The following SNED1 variants were observed in gnomAD, a reference collection of about 807,000 sequenced individuals.
The protein encoded by SNED1 is sushi, nidogen and EGF-like domain-containing protein 1.
Under a neutral mutation model 166.7 loss-of-function variants are expected in SNED1, and 81 were observed. The ratio of observed to expected loss-of-function variants is 0.49; its 90% confidence interval spans 0.41 to 0.58. The LOEUF is 0.58. Ranked by LOEUF, SNED1 falls within the 20% of genes least tolerant of loss-of-function variation. The pLI is 0.00. For synonymous variants in SNED1, 762 were observed against 822.0 expected (o/e 0.93, Z 1.25); for missense variants, 1,604 against 2,000.2 (o/e 0.80, Z 3.78).
At chr2:241,085,209 C>T (rs891337952) in intron 29 of SNED1, among the ~76,000 whole-genome samples, 7 of 152,098 alleles carry the variant, frequency 4.6e-5, no homozygotes, top group Non-Finnish European at 7.4e-5. Context: ...TCCTGTCCCT[C>T]CATTTCTTCT....
Position 241,036,654 on chromosome 2 carries a change from GC to G in SNED1, c.806-135del, listed in dbSNP as rs1038324951. Reference sequence around the variant, plus strand: ...CTAAAGTGAAACCTGAAACCTGGCTGCTTTGCTGCGGTCACCCGGGCACCCA... The same window carrying G: ...CTAAAGTGAAACCTGAAACCTGGCTGTTTGCTGCGGTCACCCGGGCACCCA... On this transcript the variant is annotated intron_variant, in intron 4 of 31. Transcript: ENST00000310397. 3 of 1,141,350 alleles carry G rather than the reference GC, an allele frequency of 2.6e-6. No individual in the cohort carries two copies. In the African/African-American group the frequency reaches 4.6e-5, roughly 17 times the overall value. The allele number at this position is 1,141,350 out of a possible 1,614,324, so 70.7% of individuals were successfully genotyped here. A position where few individuals can be genotyped will look rare whatever the true frequency, so the allele number is the denominator to read the frequency against.
Position 241,071,700 on chromosome 2 carries a change from G to C in SNED1, c.3714G>C (p.Glu1238Asp). 3 of 1,502,358 alleles carry C rather than the reference G, an allele frequency of 2.0e-6. No individual in the cohort carries two copies. Among genetic ancestry groups the C allele is most frequent in the East Asian group, 2.5e-5 (1 of 40,504 alleles). The allele number at this position is 1,502,358 out of a possible 1,614,324, so 93.1% of individuals were successfully genotyped here. Residue 1238 changes from glutamate to aspartate, a missense_variant, in exon 25 of 32, where the codon GAG becomes GAC. This residue lies in a region of SNED1 where 367 missense variants were observed against 379.4 expected (regional missense o/e 0.97). Coordinates refer to ENST00000310397, the MANE Select transcript of SNED1 (RefSeq NM_001080437.3). ...LRLLNDHSAP[E>D]TPTQPPRFSE... ...TGCTCAATGACCACAGCGCCCCCGA[G>C]ACCCCCACCCAGCCCCCCAGGTACA...
chr2:241,037,065 G>A, intron 5 of SNED1, 150 bp downstream of exon 5: 1 of 1,132,152 alleles, frequency 8.8e-7, no homozygotes, highest in South Asian at 1.5e-5. Context: ...GGGGACCACT[G>A]GGGACCAAAG....
rs2125010080 is a variant in SNED1 at position 241,034,820 on chromosome 2, G to A, written c.805+90G>A. 5 of 1,377,944 alleles carry A rather than the reference G, an allele frequency of 3.6e-6. No individual in the cohort carries two copies. The South Asian group carries it at 7.3e-5, about 20-fold the overall frequency. The allele number at this position is 1,377,944 out of a possible 1,614,324, so 85.4% of individuals were successfully genotyped here. ...GAGGTGGAGACGAAGGGGGCTGGAT[G>A]CTGACGGGGAGAGCAGGAGCACTTG... is the stretch of plus-strand genomic sequence containing the variant. On this transcript the variant is annotated intron_variant, in intron 4 of 31. Coordinates refer to ENST00000310397, the MANE Select transcript of SNED1 (RefSeq NM_001080437.3).
rs779021075 is a variant in SNED1 at position 241,070,128 on chromosome 2, C to G, written c.3516C>G (p.Leu1172=). Reference sequence around the variant, plus strand: ...TGCTGCCGGGACGGCGGTACCAGCTCTCTGTGATAGCAGTGCAGAGCACGG... The same window carrying G: ...TGCTGCCGGGACGGCGGTACCAGCTGTCTGTGATAGCAGTGCAGAGCACGG... ...RDLLPGRRYQ[L]SVIAVQSTEL... The change falls in exon 24 of 32, where the codon CTC becomes CTG. Residue 1172 remains leucine, a synonymous_variant. Transcript: ENST00000310397. 6.2e-7 allele frequency: 1 copy of G among 1,612,474 alleles called. No homozygotes were observed. Among genetic ancestry groups the G allele is most frequent in the Non-Finnish European group, 8.5e-7 (1 of 1,179,786 alleles).
chr2:241,085,947 A>C (rs1575134323), intron 29 of SNED1, among the ~76,000 whole-genome samples: 2 of 146,496 alleles, frequency 1.4e-5, no homozygotes, highest in South Asian at 4.3e-4. Context: ...GCTCACTACA[A>C]CCTCCGCCCT....
At chr2:241,029,147 A>T (rs896287596) in intron 1 of SNED1, among the ~76,000 whole-genome samples, 1 of 152,218 alleles carries the variant, frequency 6.6e-6, no homozygotes, top group Non-Finnish European at 1.5e-5. Flanking sequence ...GACAGCGCAG[A>T]GCTGACCACT....
In SNED1 at chr2:241,034,586, G is replaced by A. The variant is rs752807695; in HGVS notation, c.661G>A (p.Asp221Asn). 21 of 1,605,068 alleles carry A rather than the reference G, an allele frequency of 1.3e-5. No homozygotes were observed. Among genetic ancestry groups the A allele is most frequent in the Non-Finnish European group, 1.6e-5 (19 of 1,174,860 alleles). Reference sequence around the variant, plus strand: ...CCCCCAGGCTGGCTTCAACGCAGGCGATGGGCAGCGTTACTTCAGTATCCC... The same window carrying A: ...CCCCCAGGCTGGCTTCAACGCAGGCAATGGGCAGCGTTACTTCAGTATCCC... Reference protein sequence around the residue: ...IAAQAGFNAGDGQRYFSIPGS... With the variant: ...IAAQAGFNAGNGQRYFSIPGS... Residue 221 changes from aspartate to asparagine, a missense_variant, in exon 4 of 32, where the codon GAT becomes AAT. Physicochemically the swap from Asp to Asn is conservative, Grantham distance 23. Transcript: ENST00000310397.
At position 241,071,627 on chromosome 2, in the gene SNED1, G is replaced by A. The variant is rs182099291; in HGVS notation, c.3641G>A (p.Arg1214Gln). 7.7e-4 allele frequency: 1,216 copies of A among 1,586,268 alleles called. 2 individuals carry two copies. Among genetic ancestry groups the A allele is most frequent in the Non-Finnish European group, 9.6e-4 (1,124 of 1,173,662 alleles). The change falls in exon 25 of 32, where the codon CGG (arginine) becomes CAG (glutamine). Residue 1214 changes from arginine to glutamine, a missense_variant. Physicochemically the swap from Arg to Gln is conservative, Grantham distance 43. Coordinates refer to ENST00000310397, the MANE Select transcript of SNED1 (RefSeq NM_001080437.3). ...TGGCACCAGGGAGGACACCACCCTCGGGTGCTCAAGAACAGACCGCCCCCG... is the reference window on the plus strand; with the variant it reads ...TGGCACCAGGGAGGACACCACCCTCAGGTGCTCAAGAACAGACCGCCCCCG... ...RRWHQGGHHP[R>Q]VLKNRPPPAR...
intron 1 of SNED1, among the ~76,000 whole-genome samples, chr2:241,029,907 G>A (rs970387613): frequency 6.6e-6 from 1 of 152,252 alleles, no homozygotes; most frequent in African/African-American, 2.4e-5. Context: ...CGCCTCCTGC[G>A]GCCCCAGCCG....
At position 241,084,559 on chromosome 2, in the gene SNED1, C is replaced by T. The variant is rs1575127848; in HGVS notation, c.4121+2195C>T. 2.0e-5 allele frequency among the ~76,000 whole-genome samples: 3 copies of T among 152,192 alleles called. No individual in the cohort carries two copies. The South Asian group carries it at 6.2e-4, about 32-fold the overall frequency. The stretch of plus-strand genomic sequence containing the variant: ...ATGGCAGCGGCTGACATCAAGCTTC[C>T]ACTTCCCTCCCATCCTTTGAATTAT... On this transcript the variant is annotated intron_variant, in intron 29 of 31. Transcript: ENST00000310397.
In SNED1 at chr2:241,073,908, T is replaced by C. The variant is rs552631852; in HGVS notation, c.3916+544T>C. Reference sequence around the variant, plus strand: ...TCCCTGCAGGGCACCAAGCATCTGCTGAGCACCTGCAGTAAGAGTTCCCAG... The same window carrying C: ...TCCCTGCAGGGCACCAAGCATCTGCCGAGCACCTGCAGTAAGAGTTCCCAG... On this transcript the variant is annotated intron_variant, in intron 27 of 31. Coordinates refer to ENST00000310397, the MANE Select transcript of SNED1 (RefSeq NM_001080437.3). This position sits in a 1 kb window ranked among gnomAD's most constrained non-coding sequence, Gnocchi z 6.6. 223 of 163,416 alleles carry C rather than the reference T, an allele frequency of 1.4e-3. No homozygotes were observed. The highest frequency in any genetic ancestry group is 3.0e-3 in the Admixed American group (48 of 16,198). 10.1% of individuals were successfully genotyped at this position (163,416 alleles called of 1,614,324 possible). A position where few individuals can be genotyped will look rare whatever the true frequency, so the allele number is the denominator to read the frequency against.
At chr2:241,025,171 T>C (rs914611702) in intron 1 of SNED1, among the ~76,000 whole-genome samples, 1 of 152,186 alleles carries the variant, frequency 6.6e-6, no homozygotes, top group Non-Finnish European at 1.5e-5. Context: ...TGGCGGCATT[T>C]GATTCTAATA....
chr2:240,999,634 G>T lies in SNED1; in HGVS notation c.213+584G>T, dbSNP rs1190356661. 1.3e-5 allele frequency among the ~76,000 whole-genome samples: 2 copies of T among 152,166 alleles called. No homozygotes were observed. The highest frequency in any genetic ancestry group is 4.1e-4 in the South Asian group (2 of 4,830). ...TCCCTGCCGTCCTCTCCGCAGTCTG[G>T]GGGCTGGCCGCTCAGGCTCAGACTC... On this transcript the variant is annotated intron_variant, in intron 1 of 31. Transcript: ENST00000310397. The surrounding 1 kb of genome is among the most constrained non-coding windows in gnomAD (Gnocchi z 5.8).
At chr2:241,011,517 T>C (rs901905110) in intron 1 of SNED1, among the ~76,000 whole-genome samples, 16 of 152,178 alleles carry the variant, frequency 1.1e-4, no homozygotes, top group African/African-American at 3.9e-4. Flanking sequence ...CCTCTACGAG[T>C]GCTCAGGTCC....
At chr2:241,014,132 C>A (rs1288113186) in intron 1 of SNED1, among the ~76,000 whole-genome samples, 2 of 152,058 alleles carry the variant, frequency 1.3e-5, no homozygotes, top group Non-Finnish European at 2.9e-5. Flanking sequence ...CCTCAGCCTC[C>A]CAAGTAGCTA....
intron 1 of SNED1, among the ~76,000 whole-genome samples, chr2:241,004,590 ATAT>A (rs1456266269): frequency 2.0e-5 from 3 of 151,614 alleles, no homozygotes; most frequent in Non-Finnish European, 4.4e-5. Context: ...CCTTCAAATA[ATAT>A]TATACTCTTT....
chr2:241,053,080 G>C, intron 15 of SNED1, 73 bp from the exon 16 acceptor site: 1 of 1,446,116 alleles, frequency 6.9e-7, no homozygotes, highest in South Asian at 1.3e-5. Context: ...CAGTCGGGTC[G>C]GGCAGAGGCA....
intron 21 of SNED1, among the ~76,000 whole-genome samples, chr2:241,067,329 G>T (rs1364516632): frequency 2.0e-5 from 3 of 152,220 alleles, no homozygotes; most frequent in African/African-American, 7.2e-5. Flanking sequence ...GTTGCTGGGA[G>T]TTCTGTATGT....
Sources: gnomAD v4.1 joint callset for allele counts (sites outside exome capture counted in the v4.1 genomes callset) on GRCh38, gnomAD v4.1.1 for gene constraint, gnomAD v4.1.1 regional missense constraint, Gnocchi (gnomAD v3.1) non-coding constraint, MANE v1.5 for transcripts, NCBI Gene and HGNC (gene_info 2026-07-23, HGNC 2026-07-21) for gene names.